IL1R1: variants seen among roughly 807,000 people sequenced by gnomAD.
IL1R1 encodes the protein interleukin-1 receptor type 1.
In IL1R1, 22 loss-of-function variants were observed where a neutral mutation model predicts 50.2. That is an observed-to-expected ratio of 0.44 (90% confidence interval 0.31 to 0.63). IL1R1 has a LOEUF of 0.63. IL1R1 is among the 20% of genes least tolerant of loss of function. IL1R1 has a pLI of 0.07. For synonymous variants in IL1R1, 251 were observed against 236.7 expected (o/e 1.06, Z -0.55); for missense variants, 509 against 676.2 (o/e 0.75, Z 2.74).
At chr2:102,132,894 A>G (rs1039892353) in intron 1 of IL1R1, among the ~76,000 whole-genome samples, 4 of 152,242 alleles carry the variant, frequency 2.6e-5, no homozygotes, top group African/African-American at 9.6e-5. Context: ...GCTTCATTCA[A>G]AAAGAAATAG....
In IL1R1 at chr2:102,117,606, A is replaced by G. The variant is rs144288228; in HGVS notation, c.-84+12734A>G. Among the ~76,000 whole-genome samples, 30 of 152,296 alleles carry G rather than the reference A, an allele frequency of 2.0e-4. No homozygotes were observed. In the East Asian group the frequency reaches 5.4e-3, roughly 27 times the overall value. ...TTTTCTTCTGGCCTGTTCCCTGCAT[A>G]TTAATGTATTCCAATGAATCCCACC... is the stretch of plus-strand genomic sequence containing the variant. On this transcript the variant is annotated intron_variant, in intron 1 of 10. Transcript: ENST00000409329.
At chr2:102,074,236 G>A (rs564414023) in intron 1 of IL1R1, among the ~76,000 whole-genome samples, 11 of 152,186 alleles carry the variant, frequency 7.2e-5, no homozygotes, top group African/African-American at 9.6e-5. Flanking sequence ...CTCTTTTCTC[G>A]TGGTTCTGTG....
intron 1 of IL1R1, among the ~76,000 whole-genome samples, chr2:102,092,123 A>AC (rs779268718): frequency 2.6e-4 from 39 of 151,974 alleles, no homozygotes; most frequent in Non-Finnish European, 4.0e-4. Flanking sequence ...TTTGTTTGAG[A>AC]CCCCCCTCAA....
intron 1 of IL1R1, among the ~76,000 whole-genome samples, chr2:102,087,939 C>T (rs1044556242): frequency 1.3e-5 from 2 of 152,204 alleles, no homozygotes. Context: ...GAAACAACTC[C>T]TCATTCATCC....
intron 1 of IL1R1, among the ~76,000 whole-genome samples, chr2:102,152,987 C>A (rs1230480998): frequency 6.9e-6 from 1 of 145,944 alleles, no homozygotes; most frequent in African/African-American, 2.6e-5. Context: ...ATGATTCAGA[C>A]AAAAAAAAAA....
intron 1 of IL1R1, among the ~76,000 whole-genome samples, chr2:102,105,185 T>TA (rs1680334272): frequency 6.6e-6 from 1 of 152,212 alleles, no homozygotes; most frequent in African/African-American, 2.4e-5. Context: ...CATGAATAGT[T>TA]ACATGACTTT....
chr2:102,081,724 T>C (rs988781293), intron 1 of IL1R1, among the ~76,000 whole-genome samples: 1 of 152,240 alleles, frequency 6.6e-6, no homozygotes, highest in Admixed American at 6.5e-5. Flanking sequence ...GAGAAACACA[T>C]GTGTTGCAGG....
At chr2:102,170,670 T>C (rs1295054969) in intron 7 of IL1R1, among the ~76,000 whole-genome samples, 1 of 152,154 alleles carries the variant, frequency 6.6e-6, no homozygotes, top group East Asian at 1.9e-4. Flanking sequence ...CCATAAAATA[T>C]GTTAGAAAAA....
At chr2:102,105,954 T>C (rs1302979832) in intron 1 of IL1R1, among the ~76,000 whole-genome samples, 2 of 152,200 alleles carry the variant, frequency 1.3e-5, no homozygotes, top group African/African-American at 2.4e-5. Context: ...TAATTCCTAC[T>C]GATAGTGTTG....
chr2:102,098,807 A>G (rs189818624), intron 1 of IL1R1, among the ~76,000 whole-genome samples: 20 of 152,300 alleles, frequency 1.3e-4, no homozygotes, highest in African/African-American at 4.8e-4. Flanking sequence ...CTGTGGCTAT[A>G]TTGTTTACAA....
intron 1 of IL1R1, among the ~76,000 whole-genome samples, chr2:102,125,087 C>T (rs912371795): frequency 8.5e-5 from 13 of 152,314 alleles, no homozygotes; most frequent in African/African-American, 3.1e-4. Context: ...CATATCCTCA[C>T]CCTTGCGGCT....
chr2:102,131,594 A>C (rs2104416844), intron 1 of IL1R1, among the ~76,000 whole-genome samples: 1 of 152,178 alleles, frequency 6.6e-6, no homozygotes, highest in Non-Finnish European at 1.5e-5. Context: ...ATAGCAGATT[A>C]GATATTGCAG....
At chr2:102,097,230 A>G (rs1679943528) in intron 1 of IL1R1, among the ~76,000 whole-genome samples, 1 of 152,172 alleles carries the variant, frequency 6.6e-6, no homozygotes, top group African/African-American at 2.4e-5. Flanking sequence ...AGCTTCACAT[A>G]TAAGAGAAAG....
At chr2:102,148,254 T>G (rs1051973903) in intron 1 of IL1R1, among the ~76,000 whole-genome samples, 1 of 152,214 alleles carries the variant, frequency 6.6e-6, no homozygotes, top group Non-Finnish European at 1.5e-5. Flanking sequence ...TTCCACACTT[T>G]CCTGCTCTAG....
At chr2:102,127,544 G>C (rs1021725519) in intron 1 of IL1R1, among the ~76,000 whole-genome samples, 1 of 152,046 alleles carries the variant, frequency 6.6e-6, no homozygotes, top group Admixed American at 6.6e-5. Context: ...TCTAGAGGGG[G>C]TAGACAGTTA....
In IL1R1 at chr2:102,164,960, T is replaced by G. The variant is rs1360449099; in HGVS notation, c.248T>G (p.Phe83Cys). 6.2e-7 allele frequency: 1 copy of G among 1,614,040 alleles called. No homozygotes were observed. Among genetic ancestry groups the G allele is most frequent in the African/African-American group, 1.3e-5 (1 of 74,946 alleles). ...CATCAACACAAAGAGAAACTTTGGT[T>G]TGTTCCTGCTAAGGTGGAGGATTCA... ...RIHQHKEKLWFVPAKVEDSGH... is the reference protein window; with the variant it reads ...RIHQHKEKLWCVPAKVEDSGH... The change falls in exon 4 of 12, where the codon TTT becomes TGT. Residue 83 changes from phenylalanine to cysteine, a missense_variant. Phe to Cys is a radical substitution (Grantham distance 205). Coordinates refer to ENST00000410023, the MANE Select transcript of IL1R1 (RefSeq NM_000877.4).
In IL1R1 at chr2:102,130,954, C is replaced by T. The variant is rs1224454746; in HGVS notation, c.-83-22987C>T. Among the ~76,000 whole-genome samples the T allele has an allele frequency of 7.2e-5, 11 of 152,156 alleles. No homozygotes were observed. In the East Asian group the frequency reaches 1.9e-3, roughly 27 times the overall value. On this transcript the variant is annotated intron_variant, in intron 1 of 10. Coordinates refer to the IL1R1 transcript ENST00000409329. ...GGCAGAAAACAAAGCCCTGTGACTT[C>T]TCCTGCTTACTGATGTGAGAGTTTC...
chr2:102,155,799 C>T lies in IL1R1; in HGVS notation c.-7+1782C>T, dbSNP rs562392051. On this transcript the variant is annotated intron_variant, in intron 2 of 11. Coordinates refer to ENST00000410023, the MANE Select transcript of IL1R1 (RefSeq NM_000877.4). ...TCTGACATCAGCTGGTTCATTGCCC[C>T]TTGTGCCCCTTGAGCACACTGGGGC... Among the ~76,000 whole-genome samples the T allele has an allele frequency of 4.6e-5, 7 of 152,344 alleles. 2 individuals carry two copies. The highest frequency in any genetic ancestry group is 1.2e-4 in the African/African-American group (5 of 41,580).
intron 1 of IL1R1, among the ~76,000 whole-genome samples, chr2:102,070,959 G>A (rs970526634): frequency 6.6e-5 from 10 of 151,950 alleles, no homozygotes; most frequent in South Asian, 2.1e-4. Flanking sequence ...TAGAGATTAA[G>A]ACACATTCTT....
Sources: gnomAD v4.1 joint callset for allele counts (sites outside exome capture counted in the v4.1 genomes callset) on GRCh38, gnomAD v4.1.1 for gene constraint, MANE v1.5 for transcripts, NCBI Gene and HGNC (gene_info 2026-07-23, HGNC 2026-07-21) for gene names.